FGD6: variants seen among roughly 807,000 people sequenced by gnomAD.
FGD6 encodes FYVE, RhoGEF and PH domain containing 6, also known as FYVE, RhoGEF and PH domain-containing protein 6.
A neutral mutation model predicts 149.4 loss-of-function variants in FGD6; 90 were observed. The ratio of observed to expected loss-of-function variants is 0.60; its 90% CI spans 0.51 to 0.72. The LOEUF is 0.72. FGD6 is among the 30% of genes least tolerant of loss of function. The pLI, the probability that FGD6 is intolerant of heterozygous loss-of-function variation, is 0.00. For synonymous variants in FGD6, 527 were observed against 584.0 expected, an observed-to-expected ratio of 0.90 and a Z score of 1.41; for missense variants, 1,437 against 1,684.8, an observed-to-expected ratio of 0.85 and a Z score of 2.57.
Position 95,209,896 on chromosome 12 carries a change from C to A in FGD6, c.1388G>T (p.Cys463Phe), listed in dbSNP as rs1490468265. ...MSLPKQLKLT[C>F]NEHLQSGRNL... ...TCTCCCAGATTGCAAATGTTCATTG[C>A]AAGTTAATTTGAGCTGCTTAGGCAG... Residue 463 changes from cysteine (C) to phenylalanine (F), a missense_variant, in exon 2 of 21, where the codon TGC (cysteine) becomes TTC (phenylalanine). By Grantham distance (205) the Cys-to-Phe change is radical. This residue lies in a region of FGD6 where 1,055 missense variants were observed against 1,146.0 expected (regional missense o/e 0.92). Coordinates refer to ENST00000343958, the MANE Select transcript of FGD6 (RefSeq NM_018351.4). The A allele has an allele frequency of 6.2e-7, 1 of 1,613,338 alleles. No individual in the cohort carries two copies. Among genetic ancestry groups the A allele is most frequent in the Non-Finnish European group, 8.5e-7 (1 of 1,179,920 alleles).
intron 18 of FGD6, among the ~76,000 whole-genome samples, chr12:95,089,356 T>G (rs1877975326): frequency 6.6e-6 from 1 of 152,242 alleles, no homozygotes; most frequent in African/African-American, 2.4e-5. Flanking sequence ...AAATGTTCTC[T>G]AAACCTTTCA....
chr12:95,205,662 G>A (rs1447198331), intron 2 of FGD6, among the ~76,000 whole-genome samples: 2 of 152,224 alleles, frequency 1.3e-5, no homozygotes, highest in African/African-American at 2.4e-5. Flanking sequence ...ATGCCTCACT[G>A]TTCATTTATT....
At chr12:95,199,727 C>T (rs915316690) in intron 2 of FGD6, among the ~76,000 whole-genome samples, 2 of 151,672 alleles carry the variant, frequency 1.3e-5, no homozygotes, top group African/African-American at 4.9e-5. Flanking sequence ...GCCTCAGCCT[C>T]CTGAGTAGCT....
In FGD6 at chr12:95,172,877, C is replaced by A. The variant is rs367880829; in HGVS notation, c.2442-133G>T. 6 of 686,020 alleles carry A rather than the reference C, an allele frequency of 8.7e-6. No individual in the cohort carries two copies. In the South Asian group the frequency reaches 1.4e-4, roughly 16 times the overall value. 42.5% of individuals were successfully genotyped at this position (686,020 alleles called of 1,614,324 possible). On this transcript the variant is annotated intron_variant, in intron 2 of 20. Transcript: ENST00000343958. ...AAGGGATGTGGAAGAATGAAAAGAC[C>A]CAGATCAGCCAACTTTCCCTTCCTT...
chr12:95,123,722 C>T (rs1879257123), intron 8 of FGD6, among the ~76,000 whole-genome samples: 1 of 151,928 alleles, frequency 6.6e-6, no homozygotes, highest in South Asian at 2.1e-4. Context: ...CCACCACACC[C>T]AGCTAATTTT....
intron 3 of FGD6, among the ~76,000 whole-genome samples, chr12:95,171,303 A>T (rs1264743160): frequency 6.6e-6 from 1 of 152,176 alleles, no homozygotes; most frequent in Non-Finnish European, 1.5e-5. Flanking sequence ...AAATTATGGC[A>T]CAGGAATTAG....
chr12:95,169,058 A>G (rs563921823), intron 3 of FGD6, among the ~76,000 whole-genome samples: 1 of 152,380 alleles, frequency 6.6e-6, no homozygotes, highest in East Asian at 1.9e-4. Context: ...AAAATTCATT[A>G]GCGTGGCTGA....
rs60810223 is a variant in FGD6, at chr12:95,115,900, G to T, written c.3083-2199C>A. ...TAGACGTGCACCTTATAAATATCCA[G>T]CACTGGCAATAAGCCATGGTGAGAT... On this transcript the variant is annotated intron_variant, in intron 8 of 20. Transcript: ENST00000343958. Among the ~76,000 whole-genome samples, 1,425 of 152,268 alleles carry T rather than the reference G, an allele frequency of 9.4e-3. 24 individuals carry two copies. Among genetic ancestry groups the T allele is most frequent in the African/African-American group, 0.032 (1,349 of 41,538 alleles).
chr12:95,108,205 G>T, intron 11 of FGD6, 143 bp downstream of exon 11: 1 of 719,022 alleles, frequency 1.4e-6, no homozygotes, highest in Non-Finnish European at 2.3e-6. Flanking sequence ...CTTACATCAT[G>T]AATGTTTTGA....
Position 95,078,402 on chromosome 12 carries a change from A to G in FGD6, c.*3118T>C, listed in dbSNP as rs1340684124. The G allele has an allele frequency of 6.6e-6, 1 of 152,240 alleles. No homozygotes were observed. Among genetic ancestry groups the G allele is most frequent in the Non-Finnish European group, 1.5e-5 (1 of 68,048 alleles). 9.4% of individuals were successfully genotyped at this position (152,240 alleles called of 1,614,324 possible). A position where few individuals can be genotyped will look rare whatever the true frequency, so the allele number is the denominator to read the frequency against. The stretch of plus-strand genomic sequence containing the variant: ...GCTGTGATATAACATTTACATTTTA[A>G]CTAAATTACCAAATAGGAGACTTTC... On this transcript the variant is annotated 3_prime_UTR_variant, in exon 21 of 21. Transcript: ENST00000343958.
chr12:95,163,181 G>A (rs1226142094), intron 3 of FGD6, among the ~76,000 whole-genome samples: 1 of 152,056 alleles, frequency 6.6e-6, no homozygotes, highest in East Asian at 1.9e-4. Flanking sequence ...CCTCCACACT[G>A]TGTACTCTCT....
chr12:95,137,404 GATTACTTTTTA>G, intron 7 of FGD6, 107 bp downstream of exon 7: 2 of 820,782 alleles, frequency 2.4e-6, no homozygotes, highest in Non-Finnish European at 3.5e-6. Context: ...ATTTTGAAGG[GATTACTTTTTA>G]ACTTTTTCTT....
chr12:95,105,797 G>A (rs909974816), intron 13 of FGD6, among the ~76,000 whole-genome samples: 14 of 152,184 alleles, frequency 9.2e-5, no homozygotes, highest in African/African-American at 3.4e-4. Context: ...GCGACGGTGG[G>A]TGGATCACTT....
chr12:95,086,153 CG>C (rs1406675437), intron 18 of FGD6, among the ~76,000 whole-genome samples: 2 of 151,880 alleles, frequency 1.3e-5, no homozygotes, highest in African/African-American at 4.8e-5. Context: ...CACGTGTTTG[CG>C]TATGTTTCTT....
chr12:95,171,122 A>C (rs1224294821), intron 3 of FGD6, among the ~76,000 whole-genome samples: 1 of 152,236 alleles, frequency 6.6e-6, no homozygotes, highest in Non-Finnish European at 1.5e-5. Flanking sequence ...TTATCTATAA[A>C]ATGGTACTCT....
intron 3 of FGD6, among the ~76,000 whole-genome samples, chr12:95,170,201 C>A (rs1880950396): frequency 6.6e-6 from 1 of 152,154 alleles, no homozygotes; most frequent in African/African-American, 2.4e-5. Context: ...AAATCCCAGG[C>A]AAATATCATT....
chr12:95,140,371 C>T (rs1879806712), intron 6 of FGD6, among the ~76,000 whole-genome samples: 1 of 152,094 alleles, frequency 6.6e-6, no homozygotes, highest in Non-Finnish European at 1.5e-5. Flanking sequence ...ATAAATTTGC[C>T]TTTCTTTGGG....
At chr12:95,184,855 T>G (rs1881383074) in intron 2 of FGD6, among the ~76,000 whole-genome samples, 1 of 150,836 alleles carries the variant, frequency 6.6e-6, no homozygotes, top group Admixed American at 6.6e-5. Context: ...AGTGCTGGGA[T>G]TACAGGCAGG....
chr12:95,131,763 T>TTA (rs1210783083), intron 8 of FGD6, among the ~76,000 whole-genome samples: 9 of 152,166 alleles, frequency 5.9e-5, no homozygotes, highest in African/African-American at 2.2e-4. Context: ...CGAGGGCCTA[T>TTA]TATATATAAG....
Sources: gnomAD v4.1 joint callset for allele counts (sites outside exome capture counted in the v4.1 genomes callset) on GRCh38, gnomAD v4.1.1 for gene constraint, gnomAD v4.1.1 regional missense constraint, MANE v1.5 for transcripts, NCBI Gene and HGNC (gene_info 2026-07-23, HGNC 2026-07-21) for gene names.